The following PEBP4 variants were observed in gnomAD, a reference collection of about 807,000 sequenced individuals.
PEBP4 encodes phosphatidylethanolamine binding protein 4.
A neutral mutation model predicts 23.9 loss-of-function variants in PEBP4; 22 were observed. The ratio of observed to expected loss-of-function variants is 0.92; its 90% confidence interval spans 0.66 to 1.31. PEBP4 has a LOEUF of 1.31. Ranked by LOEUF, PEBP4 falls within the 40% of genes most tolerant of loss-of-function variation. The pLI is 0.00. For missense variants in PEBP4, 324 were observed against 281.7 expected, an observed-to-expected ratio of 1.15 and a Z score of -1.07; for synonymous variants, 112 against 99.3, an observed-to-expected ratio of 1.13 and a Z score of -0.76.
Position 22,713,444 on chromosome 8 carries a change from G to C in PEBP4, c.610C>G (p.Pro204Ala). ...QFMTQNYQDS[P>A]TLQAPRERAS... ...CTTTCTCTGGGAGCCTGGAGGGTTG[G>C]TGAGTCCTGGTAGTTCTGGGTCATG... Residue 204 changes from proline to alanine, a missense_variant, in exon 7 of 7, where the codon CCA becomes GCA. Transcript: ENST00000256404. The C allele has an allele frequency of 1.2e-6, 2 of 1,613,918 alleles. No individual in the cohort carries two copies. The highest frequency in any genetic ancestry group is 1.7e-6 in the Non-Finnish European group (2 of 1,179,956).
rs1805802346 is a variant in PEBP4 at position 22,775,722 on chromosome 8, C to G, written c.357+41915G>C. On this transcript the variant is annotated intron_variant, in intron 4 of 6. Transcript: ENST00000256404. The surrounding 1 kb of genome is among the most constrained non-coding windows in gnomAD (Gnocchi z 4.8). ...TTCATCACAGGCACACGGGGCTTCC[C>G]TCAGCCCTCCTGTGCACTCACAGGA... Among the ~76,000 whole-genome samples, 1 of 152,176 alleles carries G rather than the reference C, an allele frequency of 6.6e-6. No individual in the cohort carries two copies. The highest frequency in any genetic ancestry group is 1.5e-5 in the Non-Finnish European group (1 of 68,036).
chr8:22,722,904 C>T (rs1428148260), intron 6 of PEBP4, among the ~76,000 whole-genome samples: 1 of 151,288 alleles, frequency 6.6e-6, no homozygotes, highest in Non-Finnish European at 1.5e-5. Flanking sequence ...TCCGGAGTAG[C>T]TGGGACTATA....
At chr8:22,784,906 GA>G (rs1466793018) in intron 4 of PEBP4, among the ~76,000 whole-genome samples, 1 of 152,176 alleles carries the variant, frequency 6.6e-6, no homozygotes, top group East Asian at 1.9e-4. Context: ...CCGGAGGGGG[GA>G]CCGTCAGGAA....
intron 3 of PEBP4, among the ~76,000 whole-genome samples, chr8:22,912,115 A>G (rs1427028621): frequency 1.3e-5 from 2 of 152,126 alleles, no homozygotes; most frequent in African/African-American, 2.4e-5. Context: ...AGAGAAGGCC[A>G]CGAGGATAAG....
At chr8:22,889,818 TTTC>T (rs1240474367) in intron 3 of PEBP4, among the ~76,000 whole-genome samples, 1 of 152,258 alleles carries the variant, frequency 6.6e-6, no homozygotes, top group African/African-American at 2.4e-5. Context: ...TAATACGGTA[TTTC>T]AGCTAATGTG....
intron 4 of PEBP4, among the ~76,000 whole-genome samples, chr8:22,777,167 C>T (rs1805830255): frequency 6.6e-6 from 1 of 151,972 alleles, no homozygotes; most frequent in South Asian, 2.1e-4. Flanking sequence ...GGGTGCTGGC[C>T]CCTTCCTCAT....
At chr8:22,933,911 C>T (rs1223255747) in intron 1 of PEBP4, among the ~76,000 whole-genome samples, 7 of 152,140 alleles carry the variant, frequency 4.6e-5, no homozygotes, top group Admixed American at 2.0e-4. Context: ...TTCTGCTGGC[C>T]GGAAGACTGG....
chr8:22,765,446 G>T (rs1323286006), intron 4 of PEBP4, among the ~76,000 whole-genome samples: 1 of 152,154 alleles, frequency 6.6e-6, no homozygotes, highest in Non-Finnish European at 1.5e-5. Context: ...ACCCAGCCCA[G>T]GTCCTCAGTT....
chr8:22,770,301 A>G (rs551324807), intron 4 of PEBP4, among the ~76,000 whole-genome samples: 2 of 152,282 alleles, frequency 1.3e-5, no homozygotes, highest in Admixed American at 6.5e-5. Flanking sequence ...TCTCTGCCAT[A>G]TGGTTGCCAA....
intron 3 of PEBP4, among the ~76,000 whole-genome samples, chr8:22,832,436 G>A (rs1441510011): frequency 1.3e-5 from 2 of 152,184 alleles, no homozygotes; most frequent in Non-Finnish European, 2.9e-5. Context: ...GAATCTGCTG[G>A]CACATTGGTC....
Position 22,865,554 on chromosome 8 carries a change from G to C in PEBP4, c.259-47819C>G, listed in dbSNP as rs576866886. ...AAGGCAAGGCGCTGCTGCCGGTGCCGGTGCCGCAGCCGCCGGGGAAGGAAT... is the reference window on the plus strand; with the variant it reads ...AAGGCAAGGCGCTGCTGCCGGTGCCCGTGCCGCAGCCGCCGGGGAAGGAAT... On this transcript the variant is annotated intron_variant, in intron 3 of 6. Coordinates refer to ENST00000256404, the MANE Select transcript of PEBP4 (RefSeq NM_144962.3). The surrounding 1 kb of genome is among the most constrained non-coding windows in gnomAD (Gnocchi z 6.9). Among the ~76,000 whole-genome samples, 3 of 152,144 alleles carry C rather than the reference G, an allele frequency of 2.0e-5. No individual in the cohort carries two copies. Among genetic ancestry groups the C allele is most frequent in the African/African-American group, 4.8e-5 (2 of 41,450 alleles).
rs75535102 is a variant in PEBP4, at chr8:22,734,599, T to C, written c.358-7379A>G. ...GGCAGATCCTGGTATCTTGGCACAG[T>C]CTGGCAATGGGACTCCTGGGTTTTG... On this transcript the variant is annotated intron_variant, in intron 4 of 6. Transcript: ENST00000256404. Among the ~76,000 whole-genome samples the C allele has an allele frequency of 8.9e-3, 1,351 of 152,278 alleles. 17 individuals carry two copies. The highest frequency in any genetic ancestry group is 0.031 in the African/African-American group (1,289 of 41,532).
rs756349873 is a variant in PEBP4, at chr8:22,713,321, G to A, written c.*49C>T. The stretch of plus-strand genomic sequence containing the variant: ...CCAGAGGGGGTTCCATACCCACATC[G>A]TCGGTGGTGGGCAGTGTGGCCACAT... On this transcript the variant is annotated 3_prime_UTR_variant, in exon 7 of 7. Transcript: ENST00000256404. The A allele has an allele frequency of 1.4e-5, 21 of 1,521,720 alleles. No individual in the cohort carries two copies. Among genetic ancestry groups the A allele is most frequent in the East Asian group, 2.3e-5 (1 of 43,710 alleles). The allele number at this position is 1,521,720 out of a possible 1,614,324, so 94.3% of individuals were successfully genotyped here. A position where few individuals can be genotyped will look rare whatever the true frequency, so the allele number is the denominator to read the frequency against.
intron 4 of PEBP4, among the ~76,000 whole-genome samples, chr8:22,808,787 A>G (rs1193995448): frequency 6.6e-6 from 1 of 152,240 alleles, no homozygotes; most frequent in Non-Finnish European, 1.5e-5. Flanking sequence ...TGTCTTTCCA[A>G]CTGGGCAGCA....
At chr8:22,726,412 G>A (rs911022932) in intron 5 of PEBP4, among the ~76,000 whole-genome samples, 1 of 152,230 alleles carries the variant, frequency 6.6e-6, no homozygotes, top group Non-Finnish European at 1.5e-5. Context: ...AGTCTGAAGT[G>A]AGAACTCACT....
intron 2 of PEBP4, among the ~76,000 whole-genome samples, chr8:22,921,192 C>A (rs1459308457): frequency 1.3e-5 from 2 of 152,186 alleles, no homozygotes; most frequent in Admixed American, 6.5e-5. Flanking sequence ...TTTGCTTGCC[C>A]TTCTATTATA....
At chr8:22,826,883 A>G (rs1322290487) in intron 3 of PEBP4, among the ~76,000 whole-genome samples, 3 of 152,190 alleles carry the variant, frequency 2.0e-5, no homozygotes, top group Non-Finnish European at 4.4e-5. Flanking sequence ...AAATAAACCA[A>G]ACTTATAAAA....
intron 4 of PEBP4, among the ~76,000 whole-genome samples, chr8:22,732,520 G>A (rs1198179763): frequency 1.3e-5 from 2 of 152,050 alleles, no homozygotes; most frequent in Non-Finnish European, 2.9e-5. Context: ...CTTTACCTGT[G>A]TAACAAACCT....
At chr8:22,878,766 G>A (rs1311598329) in intron 3 of PEBP4, among the ~76,000 whole-genome samples, 2 of 152,210 alleles carry the variant, frequency 1.3e-5, no homozygotes, top group Non-Finnish European at 2.9e-5. Flanking sequence ...CAAACTGGAT[G>A]TCTAGGCCAA....
Sources: allele counts gnomAD v4.1 joint callset (sites outside exome capture counted in the v4.1 genomes callset), GRCh38; gene constraint gnomAD v4.1.1; non-coding constraint Gnocchi (gnomAD v3.1); transcripts MANE v1.5; gene names NCBI Gene and HGNC (gene_info 2026-07-23, HGNC 2026-07-21).